The following FUBP3 variants were observed in gnomAD, a reference collection of about 807,000 sequenced individuals.
FUBP3 encodes far upstream element-binding protein 3.
A neutral mutation model predicts 85.6 loss-of-function variants in FUBP3; 28 were observed. That is an observed-to-expected ratio of 0.33 (90% CI 0.24 to 0.45). The LOEUF (loss-of-function observed/expected upper bound fraction) is 0.45, where lower values mean the gene tolerates loss of function less well. Among genes scored for constraint, FUBP3 ranks in the 20% least tolerant of loss-of-function variants. FUBP3 has a pLI of 1.00. For missense variants in FUBP3, 583 were observed against 755.1 expected, an observed-to-expected ratio of 0.77 and a Z score of 2.67; for synonymous variants, 271 against 271.4, an observed-to-expected ratio of 1.00 and a Z score of 0.01.
intron 1 of FUBP3, chr9:130,581,642 G>A (rs919655610): frequency 1.3e-5 from 2 of 152,224 alleles, no homozygotes; most frequent in East Asian, 1.9e-4. Context: ...TCTGGAAGGT[G>A]ATAGTTCTGT....
At chr9:130,628,698 G>A (rs1377429268) in intron 12 of FUBP3, among the ~76,000 whole-genome samples, 9 of 152,208 alleles carry the variant, frequency 5.9e-5, no homozygotes, top group Non-Finnish European at 1.2e-4. Flanking sequence ...CTGGTTGGAG[G>A]CTGGTAGGGT....
intron 2 of FUBP3, among the ~76,000 whole-genome samples, chr9:130,599,381 G>GTA (rs1266699840): frequency 5.2e-5 from 7 of 134,090 alleles, no homozygotes; most frequent in Non-Finnish European, 9.6e-5. Context: ...GTGTGTGTGT[G>GTA]TGTATATATA....
chr9:130,622,169 C>CA lies in FUBP3; in HGVS notation c.772-534dup, dbSNP rs565543742. ...GAAACCCCATCTCTACTAAAAAATA[C>CA]AAAAATAAACTGGGCATGGTGGCGG... On this transcript the variant is annotated intron_variant, in intron 9 of 18. Coordinates refer to ENST00000319725, the MANE Select transcript of FUBP3 (RefSeq NM_003934.2). Among the ~76,000 whole-genome samples, 696 of 149,428 alleles carry CA rather than the reference C, an allele frequency of 4.7e-3. 3 individuals carry two copies. The highest frequency in any genetic ancestry group is 8.1e-3 in the South Asian group (38 of 4,712).
At chr9:130,632,123 G>A (rs973962588) in intron 15 of FUBP3, 79 bp from the exon 16 acceptor site, 24 of 1,456,848 alleles carry the variant, frequency 1.6e-5, no homozygotes, top group Non-Finnish European at 2.1e-5. Context: ...GCTGGGGTGA[G>A]GGAGGTGAGC....
At chr9:130,623,870 C>T (rs11243999) in intron 11 of FUBP3, among the ~76,000 whole-genome samples, 159 bp downstream of exon 11, 13,968 of 152,178 alleles carry the variant, frequency 0.092, 1,364 homozygotes, top group African/African-American at 0.24. Context: ...TTCCTGCCTT[C>T]TTGGTATTTT....
intron 1 of FUBP3, among the ~76,000 whole-genome samples, chr9:130,586,061 C>T (rs1327817379): frequency 1.3e-5 from 2 of 152,116 alleles, no homozygotes; most frequent in East Asian, 1.9e-4. Context: ...TGCAGTGGCA[C>T]GATCACAGCT....
chr9:130,597,493 C>G (rs1333525532), intron 2 of FUBP3, among the ~76,000 whole-genome samples: 1 of 152,198 alleles, frequency 6.6e-6, no homozygotes, highest in African/African-American at 2.4e-5. Context: ...TGGTCTGCCT[C>G]TGCTTTTCTA....
chr9:130,634,822 T>A, intron 17 of FUBP3, 84 bp downstream of exon 17: 1 of 1,043,574 alleles, frequency 9.6e-7, no homozygotes, highest in South Asian at 1.4e-5. Context: ...CTGTCACCTC[T>A]TTTTTCCCTA....
chr9:130,630,362 A>G (rs964766560), intron 12 of FUBP3, among the ~76,000 whole-genome samples: 1 of 152,202 alleles, frequency 6.6e-6, no homozygotes, highest in African/African-American at 2.4e-5. Flanking sequence ...CGACCTTCAC[A>G]TGGAGGTTTC....
intron 2 of FUBP3, among the ~76,000 whole-genome samples, chr9:130,609,524 A>G (rs1487382048): frequency 1.3e-5 from 2 of 152,224 alleles, no homozygotes; most frequent in African/African-American, 4.8e-5. Flanking sequence ...CCTCATGACT[A>G]CAGCTGCTGT....
At chr9:130,600,109 C>CTCCCTCCA (rs1393752324) in intron 2 of FUBP3, among the ~76,000 whole-genome samples, 3 of 148,988 alleles carry the variant, frequency 2.0e-5, no homozygotes, top group African/African-American at 7.5e-5. Context: ...TCCTCCCTCC[C>CTCCCTCCA]TCCCTCCCTC....
chr9:130,606,538 T>TG (rs901246959), intron 2 of FUBP3, among the ~76,000 whole-genome samples: 2 of 152,058 alleles, frequency 1.3e-5, no homozygotes, highest in Non-Finnish European at 2.9e-5. Flanking sequence ...AAAGCTGATG[T>TG]GGCCGGGCGC....
chr9:130,636,007 G>T lies in FUBP3; in HGVS notation c.1591G>T (p.Ala531Ser), dbSNP rs773816008. 7 of 1,613,616 alleles carry T rather than the reference G, an allele frequency of 4.3e-6. No individual in the cohort carries two copies. The highest frequency in any genetic ancestry group is 1.3e-5 in the African/African-American group (1 of 75,038). The change falls in exon 18 of 19, where the codon GCC (alanine) becomes TCC (serine). Residue 531 changes from alanine (A) to serine (S), a missense_variant. By Grantham distance (99) the Ala-to-Ser change is moderately conservative (BLOSUM62 1). Transcript: ENST00000319725. Reference sequence around the variant, plus strand: ...CCTCCTTTGTCAACCAGGTCACGCCGCCAGCGCTGCTCCTCAGGCCAGCTC... The same window carrying T: ...CCTCCTTTGTCAACCAGGTCACGCCTCCAGCGCTGCTCCTCAGGCCAGCTC... Reference protein sequence around the residue: ...EDYYKKQSHAASAAPQASSPP... With the variant: ...EDYYKKQSHASSAAPQASSPP...
Position 130,631,553 on chromosome 9 carries a change from A to C in FUBP3, c.1279-4A>C. The C allele has an allele frequency of 6.2e-7, 1 of 1,612,422 alleles. No individual in the cohort carries two copies. The highest frequency in any genetic ancestry group is 8.5e-7 in the Non-Finnish European group (1 of 1,178,432). ...GGGTGAGAGCTCCCTCTGTGCCCCC[A>C]CAGGGGACCAATCTCGGAGCACCTG... On this transcript the variant is annotated splice_region_variant and splice_polypyrimidine_tract_variant and intron_variant, in intron 13 of 18. Transcript: ENST00000319725.
chr9:130,632,991 T>C (rs556070600), intron 16 of FUBP3, among the ~76,000 whole-genome samples: 70 of 152,360 alleles, frequency 4.6e-4, no homozygotes, highest in African/African-American at 1.6e-3. Flanking sequence ...GCTTCTTCAG[T>C]GTCTGCAGAT....
intron 1 of FUBP3, among the ~76,000 whole-genome samples, chr9:130,594,814 G>A (rs991301658): frequency 2.6e-5 from 4 of 151,070 alleles, no homozygotes; most frequent in African/African-American, 4.9e-5. Flanking sequence ...TTGCATAAGC[G>A]AACCCTGTGA....
At chr9:130,628,104 GCA>G (rs71499253) in intron 12 of FUBP3, among the ~76,000 whole-genome samples, 72,579 of 148,824 alleles carry the variant, frequency 0.49, 17,705 homozygotes, top group East Asian at 0.64. Context: ...GCACGCACGC[GCA>G]CACACACACA....
At chr9:130,615,235 A>G (rs1323395019) in intron 6 of FUBP3, among the ~76,000 whole-genome samples, 1 of 152,200 alleles carries the variant, frequency 6.6e-6, no homozygotes, top group Non-Finnish European at 1.5e-5. Context: ...AGGTTAATCT[A>G]GTACACAGGC....
At chr9:130,603,347 CAAAAAAAAAA>C (rs34850259) in intron 2 of FUBP3, among the ~76,000 whole-genome samples, 2 of 83,816 alleles carry the variant, frequency 2.4e-5, no homozygotes, top group African/African-American at 1.0e-4. Flanking sequence ...ACTCTGTCTC[CAAAAAAAAAA>C]AAAAAAAAAA....
Sources: gnomAD v4.1 joint callset for allele counts (sites outside exome capture counted in the v4.1 genomes callset) on GRCh38, gnomAD v4.1.1 for gene constraint, MANE v1.5 for transcripts, NCBI Gene and HGNC (gene_info 2026-07-23, HGNC 2026-07-21) for gene names.